ST6GALNAC5: variants seen among roughly 807,000 people sequenced by gnomAD.
ST6GALNAC5 encodes the protein alpha-N-acetylgalactosaminide alpha-2,6-sialyltransferase 5.
ST6GALNAC5 carries 27 observed loss-of-function variants against 33.6 expected under a neutral mutation model. That is an observed-to-expected ratio of 0.80 (90% CI 0.59 to 1.11). The LOEUF (loss-of-function observed/expected upper bound fraction) is 1.11, where lower values mean the gene tolerates loss of function less well. Ranked by LOEUF, ST6GALNAC5 falls within the 50% of genes least tolerant of loss-of-function variation. The pLI is 0.00. For missense variants in ST6GALNAC5, 428 were observed against 454.0 expected, an observed-to-expected ratio of 0.94 and a Z score of 0.52; for synonymous variants, 194 against 171.2, an observed-to-expected ratio of 1.13 and a Z score of -1.04.
At chr1:77,058,069 T>C (rs1232157815) in intron 4 of ST6GALNAC5, among the ~76,000 whole-genome samples, 3 of 152,146 alleles carry the variant, frequency 2.0e-5, no homozygotes, top group Non-Finnish European at 4.4e-5. Context: ...CCACACACTG[T>C]TGATCCCAGG....
chr1:76,981,018 C>T (rs1649227225), intron 2 of ST6GALNAC5, among the ~76,000 whole-genome samples: 1 of 152,044 alleles, frequency 6.6e-6, no homozygotes, highest in Non-Finnish European at 1.5e-5. Context: ...AAAAGGGGGG[C>T]ACATTCCAAG....
intron 2 of ST6GALNAC5, among the ~76,000 whole-genome samples, chr1:76,988,796 T>C (rs1162166840): frequency 6.6e-6 from 1 of 152,164 alleles, no homozygotes; most frequent in African/African-American, 2.4e-5. Context: ...GTTAAATATA[T>C]AGTCTCCCTC....
chr1:77,054,899 A>G (rs74660848), intron 4 of ST6GALNAC5, among the ~76,000 whole-genome samples: 12,415 of 152,144 alleles, frequency 0.082, 798 homozygotes, highest in African/African-American at 0.18. Flanking sequence ...TAAAACCCCA[A>G]GTGGAAGTGG....
chr1:76,912,549 G>C (rs1646925274), intron 2 of ST6GALNAC5, among the ~76,000 whole-genome samples: 1 of 151,756 alleles, frequency 6.6e-6, no homozygotes, highest in African/African-American at 2.4e-5. Flanking sequence ...TTATTATTGT[G>C]TGGGAGTCTA....
intron 2 of ST6GALNAC5, among the ~76,000 whole-genome samples, chr1:76,994,604 G>T (rs1387294186): frequency 2.0e-5 from 3 of 152,186 alleles, no homozygotes; most frequent in African/African-American, 7.2e-5. Flanking sequence ...CCTCAATTTT[G>T]GATAACTTGT....
At position 77,065,887 on chromosome 1, in the gene ST6GALNAC5, C is replaced by T. The variant is rs549503831; in HGVS notation, c.*2681C>T. Among the ~76,000 whole-genome samples the T allele has an allele frequency of 6.6e-6, 1 of 152,316 alleles. No homozygotes were observed. Among genetic ancestry groups the T allele is most frequent in the South Asian group, 2.1e-4 (1 of 4,830 alleles). ...AATGCCACAGCTGGTCGATCCATGG[C>T]TTCTGTTATTTCAACACAAGAACAT... is the stretch of plus-strand genomic sequence containing the variant. On this transcript the variant is annotated 3_prime_UTR_variant, in exon 5 of 5. Coordinates refer to ENST00000477717, the MANE Select transcript of ST6GALNAC5 (RefSeq NM_030965.3).
intron 3 of ST6GALNAC5, among the ~76,000 whole-genome samples, chr1:77,046,511 C>T (rs55770009): frequency 0.022 from 3,421 of 152,250 alleles, 127 homozygotes; most frequent in African/African-American, 0.079. Flanking sequence ...TGTGGCCTTC[C>T]TCACTGGAAG....
chr1:77,010,064 G>A (rs1650575351), intron 2 of ST6GALNAC5, among the ~76,000 whole-genome samples: 1 of 152,172 alleles, frequency 6.6e-6, no homozygotes, highest in Non-Finnish European at 1.5e-5. Flanking sequence ...AGGGTTTTGT[G>A]TCCAGAGAAC....
intron 2 of ST6GALNAC5, among the ~76,000 whole-genome samples, chr1:76,917,740 G>A (rs1260216318): frequency 5.3e-5 from 8 of 152,086 alleles, no homozygotes; most frequent in African/African-American, 1.9e-4. Flanking sequence ...AAGAGCTATA[G>A]TCTCCAGGCT....
chr1:77,031,274 G>A (rs1651443372), intron 2 of ST6GALNAC5, among the ~76,000 whole-genome samples: 1 of 152,210 alleles, frequency 6.6e-6, no homozygotes, highest in South Asian at 2.1e-4. Flanking sequence ...TCAAGATGGT[G>A]TTTACTGAGC....
chr1:76,941,920 C>A (rs1429371490), intron 2 of ST6GALNAC5, among the ~76,000 whole-genome samples: 2 of 152,080 alleles, frequency 1.3e-5, no homozygotes, highest in African/African-American at 4.8e-5. Flanking sequence ...TGGCCCTCCT[C>A]TGAATGCGAG....
At chr1:77,014,302 A>G (rs1429495699) in intron 2 of ST6GALNAC5, among the ~76,000 whole-genome samples, 2 of 152,178 alleles carry the variant, frequency 1.3e-5, no homozygotes, top group African/African-American at 4.8e-5. Context: ...AGGATTCCCC[A>G]TCAGGGCCTT....
At chr1:76,867,730 A>G (rs1476478483) in intron 1 of ST6GALNAC5, 40 bp downstream of exon 1, 1 of 1,613,936 alleles carries the variant, frequency 6.2e-7, no homozygotes, top group African/African-American at 1.3e-5. Flanking sequence ...AAAGAGGGGG[A>G]TCCCCGGGCT....
intron 2 of ST6GALNAC5, among the ~76,000 whole-genome samples, chr1:77,008,532 CT>C (rs913676364): frequency 3.2e-4 from 48 of 152,054 alleles, no homozygotes; most frequent in African/African-American, 1.1e-3. Flanking sequence ...AGGCTGTTAT[CT>C]TTTTTTTATT....
chr1:77,056,664 A>T (rs1171579989), intron 4 of ST6GALNAC5, among the ~76,000 whole-genome samples: 1 of 152,224 alleles, frequency 6.6e-6, no homozygotes. Context: ...GCTTACTCAC[A>T]GAAGACGGGT....
chr1:76,868,483 C>G lies in ST6GALNAC5; in HGVS notation c.16-14C>G. 6.3e-7 allele frequency: 1 copy of G among 1,596,388 alleles called. No individual in the cohort carries two copies. Among genetic ancestry groups the G allele is most frequent in the Non-Finnish European group, 8.6e-7 (1 of 1,169,006 alleles). On this transcript the variant is annotated splice_polypyrimidine_tract_variant and intron_variant, in intron 1 of 4. Transcript: ENST00000477717. This position sits in a 1 kb window ranked among gnomAD's most constrained non-coding sequence, Gnocchi z 4.3. ...CTCAGCCGCTCTCCTCTTCTCTCTC[C>G]CGCCCGCCCGCAGCGCCATGGTCTG...
chr1:76,957,690 G>A (rs1388488747), intron 2 of ST6GALNAC5, among the ~76,000 whole-genome samples: 3 of 137,222 alleles, frequency 2.2e-5, no homozygotes, highest in African/African-American at 8.2e-5. Context: ...AAATACTTCA[G>A]CTGCTGGTAT....
rs1651927810 is a variant in ST6GALNAC5 at position 77,044,260 on chromosome 1, G to A, written c.318G>A (p.Leu106=). ...TGGTGACCAGCTCAGGGCATCTGCT[G>A]CACAGTCGGCAAGGCTCCCAGATTG... ...CALVTSSGHL[L]HSRQGSQIDQ... Residue 106 remains leucine, a synonymous_variant, in exon 3 of 5, where the codon CTG becomes CTA. Coordinates refer to ENST00000477717, the MANE Select transcript of ST6GALNAC5 (RefSeq NM_030965.3). 1 of 1,613,884 alleles carries A rather than the reference G, an allele frequency of 6.2e-7. No homozygotes were observed. The highest frequency in any genetic ancestry group is 8.5e-7 in the Non-Finnish European group (1 of 1,179,984).
intron 2 of ST6GALNAC5, among the ~76,000 whole-genome samples, chr1:76,885,047 T>C (rs1033405856): frequency 4.6e-5 from 7 of 152,164 alleles, no homozygotes; most frequent in African/African-American, 1.7e-4. Context: ...GGTATCTCAA[T>C]CTTTAGAAGG....
Sources: gnomAD v4.1 joint callset for allele counts (sites outside exome capture counted in the v4.1 genomes callset) on GRCh38, gnomAD v4.1.1 for gene constraint, Gnocchi (gnomAD v3.1) non-coding constraint, MANE v1.5 for transcripts, NCBI Gene and HGNC (gene_info 2026-07-23, HGNC 2026-07-21) for gene names.